The following UGP2 variants were observed in gnomAD, a reference collection of about 807,000 sequenced individuals.
UGP2 encodes the protein UTP--glucose-1-phosphate uridylyltransferase.
In UGP2, 40 loss-of-function variants were observed where a neutral mutation model predicts 49.0. The observed-to-expected ratio is 0.82, with a 90% confidence interval of 0.63 to 1.06. The LOEUF (loss-of-function observed/expected upper bound fraction) is 1.06. Among genes scored for constraint, UGP2 ranks in the 50% least tolerant of loss-of-function variants. The pLI, the probability that UGP2 is intolerant of heterozygous loss-of-function variation, is 0.00. For synonymous variants in UGP2, 225 were observed against 213.0 expected, an observed-to-expected ratio of 1.06 and a Z score of -0.49; for missense variants, 460 against 603.5, an observed-to-expected ratio of 0.76 and a Z score of 2.49.
In UGP2 at chr2:63,885,742, C is replaced by T; in HGVS notation, c.729C>T (p.Gly243=). ...SGLLDTFIGE[G]KEYIFVSNID... ...TGCTTGATACCTTTATAGGAGAAGG[C>T]AAAGAGTATATTTTTGTGTCTAACA... The change falls in exon 6 of 10, where the codon GGC becomes GGT. Residue 243 remains glycine, a synonymous_variant. Transcript: ENST00000337130. 2 of 1,613,752 alleles carry T rather than the reference C, an allele frequency of 1.2e-6. No individual in the cohort carries two copies. The highest frequency in any genetic ancestry group is 1.7e-6 in the Non-Finnish European group (2 of 1,179,886).
At chr2:63,886,678 C>T in intron 7 of UGP2, 140 bp downstream of exon 7, 1 of 927,080 alleles carries the variant, frequency 1.1e-6, no homozygotes, top group South Asian at 1.8e-5. Flanking sequence ...TAGTTCCTAG[C>T]CCTGTCTTCC....
chr2:63,872,590 TTC>T (rs1670629374), intron 3 of UGP2, among the ~76,000 whole-genome samples: 2 of 152,182 alleles, frequency 1.3e-5, no homozygotes, highest in Admixed American at 1.3e-4. Flanking sequence ...AAAGCCTGTG[TTC>T]TCTCTCACTT....
At chr2:63,842,531 G>A in intron 1 of UGP2, 2 of 1,531,688 alleles carry the variant, frequency 1.3e-6, no homozygotes, top group Non-Finnish European at 1.7e-6. Flanking sequence ...TTCCTGGTCT[G>A]TGTCAAGGTA....
Position 63,887,415 on chromosome 2 carries a change from G to A in UGP2, c.1085G>A (p.Gly362Asp), listed in dbSNP as rs1671762489. 1 of 1,613,996 alleles carries A rather than the reference G, an allele frequency of 6.2e-7. No homozygotes were observed. Among genetic ancestry groups the A allele is most frequent in the Non-Finnish European group, 8.5e-7 (1 of 1,180,006 alleles). Reference sequence around the variant, plus strand: ...AATTTCTTACAGACTTTGGATGGAGGCCTGAATGTCATTCAATTAGAAACT... The same window carrying A: ...AATTTCTTACAGACTTTGGATGGAGACCTGAATGTCATTCAATTAGAAACT... ...IIVNAKTLDG[G>D]LNVIQLETAV... The change falls in exon 8 of 10, where the codon GGC (glycine) becomes GAC (aspartate). Residue 362 changes from glycine to aspartate, a missense_variant. Physicochemically the swap from Gly to Asp is moderately conservative, Grantham distance 94. Transcript: ENST00000337130.
chr2:63,855,734 GT>G (rs1324993056), intron 1 of UGP2: 7 of 406,018 alleles, frequency 1.7e-5, no homozygotes, highest in South Asian at 3.5e-5. Flanking sequence ...TAGAGATGAG[GT>G]TTTGCCGTGT....
At chr2:63,879,005 T>TAAA (rs567927030) in intron 3 of UGP2, among the ~76,000 whole-genome samples, 1 of 141,650 alleles carries the variant, frequency 7.1e-6, no homozygotes, top group African/African-American at 2.6e-5. Context: ...TCACTGGAGG[T>TAAA]AAAAAAAAAA....
At chr2:63,871,068 A>G (rs975520330) in intron 3 of UGP2, among the ~76,000 whole-genome samples, 3 of 152,246 alleles carry the variant, frequency 2.0e-5, no homozygotes, top group African/African-American at 7.2e-5. Flanking sequence ...CATAAAATTT[A>G]CTATCTTAAT....
chr2:63,847,474 C>T (rs542241515), intron 1 of UGP2, among the ~76,000 whole-genome samples: 9 of 152,290 alleles, frequency 5.9e-5, no homozygotes, highest in African/African-American at 1.7e-4. Flanking sequence ...CTTTCATGCT[C>T]GTCCGTGTGA....
At position 63,842,188 on chromosome 2, in the gene UGP2, GT is replaced by G; in HGVS notation, c.4del (p.Ser2ArgfsTer27). On this transcript the variant is annotated frameshift_variant, in exon 1 of 10. Transcript: ENST00000337130. LOFTEE classifies it high-confidence loss of function. ...GAGTATTTTACTAAGCCCCTAAAATGTCGAGATTTGTACAAGGTAAGAAATG... is the reference window on the plus strand; with the variant it reads ...GAGTATTTTACTAAGCCCCTAAAATGCGAGATTTGTACAAGGTAAGAAATG... M[S>X]RFVQDLSKAM... 6.3e-7 allele frequency: 1 copy of G among 1,593,320 alleles called. No homozygotes were observed. Among genetic ancestry groups the G allele is most frequent in the Non-Finnish European group, 8.5e-7 (1 of 1,174,466 alleles).
intron 1 of UGP2, among the ~76,000 whole-genome samples, chr2:63,853,000 T>C (rs1399999412): frequency 6.6e-6 from 1 of 152,076 alleles, no homozygotes; most frequent in African/African-American, 2.4e-5. Context: ...ATCCTGGAGC[T>C]CAGGAAAAAA....
chr2:63,862,276 C>T (rs1448481985), intron 3 of UGP2, among the ~76,000 whole-genome samples: 2 of 151,934 alleles, frequency 1.3e-5, no homozygotes, highest in Non-Finnish European at 2.9e-5. Context: ...TGGCTGAATA[C>T]CAAAGAGTCT....
chr2:63,861,524 ATTTT>A (rs538645691), intron 3 of UGP2, among the ~76,000 whole-genome samples: 1 of 147,100 alleles, frequency 6.8e-6, no homozygotes, highest in African/African-American at 2.5e-5. Context: ...ACCTCTACAA[ATTTT>A]TTTTTTTTAG....
upstream of UGP2, chr2:63,841,062 AG>A (rs1338514854): frequency 4.8e-4 from 73 of 152,442 alleles, no homozygotes; most frequent in African/African-American, 1.6e-3. Context: ...CGGGTGGACA[AG>A]GGGGGGTTAG....
chr2:63,889,840 C>A, intron 8 of UGP2: 2 of 376,514 alleles, frequency 5.3e-6, no homozygotes, highest in South Asian at 5.0e-5. Flanking sequence ...AAAAAAAACC[C>A]TTAGATCTGC....
At chr2:63,846,445 T>TTA (rs1553460517) in intron 1 of UGP2, among the ~76,000 whole-genome samples, 4 of 151,752 alleles carry the variant, frequency 2.6e-5, no homozygotes, top group Non-Finnish European at 4.4e-5. Flanking sequence ...ATTGTTTTTT[T>TTA]AAAAAAAATG....
intron 3 of UGP2, among the ~76,000 whole-genome samples, chr2:63,876,454 A>G (rs1670909940): frequency 6.6e-6 from 1 of 152,144 alleles, no homozygotes; most frequent in African/African-American, 2.4e-5. Context: ...CGTTATCTTG[A>G]CCACTTGAAA....
chr2:63,852,876 G>A (rs973347947), intron 1 of UGP2, among the ~76,000 whole-genome samples: 1 of 152,308 alleles, frequency 6.6e-6, no homozygotes, highest in Admixed American at 6.5e-5. Context: ...GGAGAACAGG[G>A]TGGGCAAAAG....
chr2:63,890,232 G>C (rs1468234840), intron 9 of UGP2, 47 bp downstream of exon 9: 1 of 1,392,112 alleles, frequency 7.2e-7, no homozygotes, highest in East Asian at 2.3e-5. Context: ...TTACAATATA[G>C]GTCTCATTTT....
intron 3 of UGP2, among the ~76,000 whole-genome samples, chr2:63,870,947 A>G (rs1670506822): frequency 6.6e-6 from 1 of 152,206 alleles, no homozygotes; most frequent in African/African-American, 2.4e-5. Flanking sequence ...AAAGGAAGTG[A>G]TAGTTTTGCC....
Sources: allele counts gnomAD v4.1 joint callset (sites outside exome capture counted in the v4.1 genomes callset), GRCh38; gene constraint gnomAD v4.1.1; transcripts MANE v1.5; gene names NCBI Gene and HGNC (gene_info 2026-07-23, HGNC 2026-07-21).